KSR2: variants seen among roughly 807,000 people sequenced by gnomAD.
The protein encoded by KSR2 is kinase suppressor of ras 2.
In KSR2, 25 loss-of-function variants were observed where a neutral mutation model predicts 107.8. The observed-to-expected ratio is 0.23, with a 90% CI of 0.17 to 0.32. The LOEUF (loss-of-function observed/expected upper bound fraction) is 0.32. Among genes scored for constraint, KSR2 ranks in the 10% least tolerant of loss-of-function variants. KSR2 has a pLI of 1.00. For synonymous variants in KSR2, 480 were observed against 507.0 expected, an observed-to-expected ratio of 0.95 and a Z score of 0.71; for missense variants, 887 against 1,268.9, an observed-to-expected ratio of 0.70 and a Z score of 4.57.
At chr12:117,932,976 G>A (rs1169420034) in intron 1 of KSR2, among the ~76,000 whole-genome samples, 3 of 152,104 alleles carry the variant, frequency 2.0e-5, no homozygotes, top group Non-Finnish European at 2.9e-5. Flanking sequence ...TAGTGCCATC[G>A]CACTCCAGCC....
At chr12:117,949,307 GA>G (rs34791085) in intron 1 of KSR2, among the ~76,000 whole-genome samples, 25 of 146,994 alleles carry the variant, frequency 1.7e-4, no homozygotes, top group East Asian at 4.0e-4. Flanking sequence ...CTGTTAAGAG[GA>G]AAAAAAAAAA....
intron 1 of KSR2, among the ~76,000 whole-genome samples, chr12:117,866,069 C>T (rs1893460993): frequency 7.7e-6 from 1 of 130,422 alleles, no homozygotes; most frequent in African/African-American, 3.3e-5. Flanking sequence ...CAAATTCTCA[C>T]TCTGTCGCCC....
At chr12:117,848,215 A>G (rs767950257) in intron 3 of KSR2, among the ~76,000 whole-genome samples, 3 of 152,260 alleles carry the variant, frequency 2.0e-5, no homozygotes, top group Non-Finnish European at 4.4e-5. Flanking sequence ...GAGAAGAGGA[A>G]GAAGGCCACA....
In KSR2 at chr12:117,500,132, C is replaced by T. The variant is rs191650992; in HGVS notation, c.2220-14441G>A. Among the ~76,000 whole-genome samples, 13 of 152,208 alleles carry T rather than the reference C, an allele frequency of 8.5e-5. No individual in the cohort carries two copies. The East Asian group carries it at 1.7e-3, about 20-fold the overall frequency. On this transcript the variant is annotated intron_variant, in intron 14 of 19. Coordinates refer to ENST00000339824, the MANE Select transcript of KSR2 (RefSeq NM_173598.6). ...TACCTGGCCATGGTGTAAGACATCA[C>T]GTGTAGAAGAGAAAACAGGCATAGA... is the stretch of plus-strand genomic sequence containing the variant.
intron 1 of KSR2, among the ~76,000 whole-genome samples, chr12:117,898,466 C>A (rs993865868): frequency 2.6e-5 from 4 of 151,566 alleles, no homozygotes; most frequent in Non-Finnish European, 5.9e-5. Context: ...ATTACAGGCA[C>A]CTGCCACCAT....
intron 16 of KSR2, among the ~76,000 whole-genome samples, chr12:117,480,282 A>G (rs992552499): frequency 1.4e-4 from 21 of 152,108 alleles, no homozygotes; most frequent in African/African-American, 4.6e-4. Context: ...AGCAGCTGGC[A>G]TTTTGGGGCC....
At chr12:117,954,231 C>T (rs1896443846) in intron 1 of KSR2, among the ~76,000 whole-genome samples, 1 of 152,210 alleles carries the variant, frequency 6.6e-6, no homozygotes, top group African/African-American at 2.4e-5. Context: ...GCTGGACAAC[C>T]TCTGAAGGGT....
At chr12:117,767,558 G>C (rs1003960921) in intron 3 of KSR2, among the ~76,000 whole-genome samples, 10 of 151,936 alleles carry the variant, frequency 6.6e-5, no homozygotes, top group African/African-American at 2.4e-4. Context: ...CCAGCACTTC[G>C]GAAGGCCAAG....
At chr12:117,652,202 G>A (rs999417677) in intron 5 of KSR2, among the ~76,000 whole-genome samples, 1 of 152,004 alleles carries the variant, frequency 6.6e-6, no homozygotes, top group Non-Finnish European at 1.5e-5. Flanking sequence ...TACAAATATG[G>A]TACAGTGTAT....
intron 4 of KSR2, among the ~76,000 whole-genome samples, chr12:117,698,579 G>C (rs1170138231): frequency 6.6e-6 from 1 of 152,016 alleles, no homozygotes; most frequent in Non-Finnish European, 1.5e-5. Flanking sequence ...GCTCAACTCA[G>C]CTTCCCAAAG....
Position 117,826,492 on chromosome 12 carries a change from GA to G in KSR2, c.472+28935del, listed in dbSNP as rs11447833. ...AAAAGATCTTTTTGAAGACTAAGGG[GA>G]AAAAACACACTAATAGGAGAACAAA... On this transcript the variant is annotated intron_variant, in intron 3 of 19. Transcript: ENST00000339824. 7.4e-4 allele frequency among the ~76,000 whole-genome samples: 112 copies of G among 151,188 alleles called. 1 individual carries two copies. The highest frequency in any genetic ancestry group is 2.7e-3 in the African/African-American group (111 of 41,118).
intron 1 of KSR2, among the ~76,000 whole-genome samples, chr12:117,961,364 G>A (rs139789200): frequency 1.9e-4 from 29 of 152,190 alleles, no homozygotes; most frequent in African/African-American, 6.7e-4. Context: ...TAGCGAACAA[G>A]AAAAAGACAT....
rs61945385 is a variant in KSR2 at position 117,907,587 on chromosome 12, C to G, written c.181-47156G>C. Among the ~76,000 whole-genome samples, 18,924 of 151,962 alleles carry G rather than the reference C, an allele frequency of 0.12. 1,442 individuals are homozygous for G. Among genetic ancestry groups the G allele is most frequent in the South Asian group, 0.21 (1,019 of 4,810 alleles). Reference sequence around the variant, plus strand: ...TTAGAGATTAAGAGAGCACAGAACACAGAGAGAGAGAATATCAGAAAATGT... The same window carrying G: ...TTAGAGATTAAGAGAGCACAGAACAGAGAGAGAGAGAATATCAGAAAATGT... On this transcript the variant is annotated intron_variant, in intron 1 of 19. Transcript: ENST00000339824. The surrounding 1 kb of genome is among the most constrained non-coding windows in gnomAD (Gnocchi z 4.3).
intron 5 of KSR2, among the ~76,000 whole-genome samples, chr12:117,607,675 A>G (rs1881357496): frequency 6.9e-6 from 1 of 144,976 alleles, no homozygotes; most frequent in African/African-American, 2.6e-5. Flanking sequence ...AGGAGAGGAG[A>G]GGAGAGGAGA....
chr12:117,899,722 GC>G (rs1291357682), intron 1 of KSR2, among the ~76,000 whole-genome samples: 1 of 152,102 alleles, frequency 6.6e-6, no homozygotes, highest in Non-Finnish European at 1.5e-5. Flanking sequence ...ATAGAATATG[GC>G]AAAGGAGATG....
intron 9 of KSR2, among the ~76,000 whole-genome samples, chr12:117,551,824 G>C (rs1877333118): frequency 6.6e-6 from 1 of 152,152 alleles, no homozygotes; most frequent in African/African-American, 2.4e-5. Context: ...TTTCTTAATA[G>C]AGGTTAATTT....
intron 17 of KSR2, 65 bp downstream of exon 17, chr12:117,476,399 A>G: frequency 6.7e-7 from 1 of 1,483,244 alleles, no homozygotes; most frequent in South Asian, 1.4e-5. Flanking sequence ...AAAGCACTGA[A>G]AGACTTGAGA....
intron 10 of KSR2, among the ~76,000 whole-genome samples, chr12:117,535,648 G>A (rs905418996): frequency 1.4e-4 from 20 of 138,506 alleles, no homozygotes; most frequent in African/African-American, 4.8e-4. Flanking sequence ...GTGTGTGTGT[G>A]TTTCAAGATG....
At chr12:117,816,249 T>C (rs1255395953) in intron 3 of KSR2, among the ~76,000 whole-genome samples, 3 of 152,152 alleles carry the variant, frequency 2.0e-5, no homozygotes, top group Non-Finnish European at 4.4e-5. Flanking sequence ...CCAACCACCA[T>C]GCTGTGAGGA....
Sources: allele counts gnomAD v4.1 joint callset (sites outside exome capture counted in the v4.1 genomes callset), GRCh38; gene constraint gnomAD v4.1.1; non-coding constraint Gnocchi (gnomAD v3.1); transcripts MANE v1.5; gene names NCBI Gene and HGNC (gene_info 2026-07-23, HGNC 2026-07-21).